HEPHL1: variants seen among roughly 807,000 people sequenced by gnomAD.
HEPHL1 encodes hephaestin like 1.
A neutral mutation model predicts 122.0 loss-of-function variants in HEPHL1; 123 were observed. That is an observed-to-expected ratio of 1.01 (90% CI 0.87 to 1.17). The LOEUF (loss-of-function observed/expected upper bound fraction) is 1.17. Ranked by LOEUF, HEPHL1 falls within the 50% of genes most tolerant of loss-of-function variation. The pLI, the probability that HEPHL1 is intolerant of heterozygous loss-of-function variation, is 0.00. For synonymous variants in HEPHL1, 527 were observed against 508.9 expected, an observed-to-expected ratio of 1.04 and a Z score of -0.48; for missense variants, 1,452 against 1,430.5, an observed-to-expected ratio of 1.01 and a Z score of -0.24.
At chr11:94,093,739 G>C in intron 13 of HEPHL1, 99 bp downstream of exon 13, 2 of 1,352,832 alleles carry the variant, frequency 1.5e-6, no homozygotes, top group Non-Finnish European at 2.0e-6. Context: ...AAGGATAGAA[G>C]AAACAGAGTA....
At chr11:94,092,222 A>T (rs546921379) in intron 12 of HEPHL1, among the ~76,000 whole-genome samples, 1 of 152,232 alleles carries the variant, frequency 6.6e-6, no homozygotes, top group African/African-American at 2.4e-5. Flanking sequence ...AAAAGATTTT[A>T]AAAATCTGTC....
At chr11:94,082,962 G>T (rs1158287431) in intron 10 of HEPHL1, among the ~76,000 whole-genome samples, 1 of 152,050 alleles carries the variant, frequency 6.6e-6, no homozygotes, top group Admixed American at 6.6e-5. Flanking sequence ...GGTGGTGCGT[G>T]CCTATATTCC....
At chr11:94,083,389 C>G (rs1946189046) in intron 10 of HEPHL1, among the ~76,000 whole-genome samples, 1 of 152,152 alleles carries the variant, frequency 6.6e-6, no homozygotes, top group African/African-American at 2.4e-5. Flanking sequence ...GTTACAATAG[C>G]AAACCACCTG....
chr11:94,104,828 A>C, intron 16 of HEPHL1, 78 bp downstream of exon 16: 4 of 1,092,296 alleles, frequency 3.7e-6, no homozygotes, highest in Non-Finnish European at 5.4e-6. Context: ...GGCTCCCAGC[A>C]TCCTTCTCTG....
At chr11:94,057,714 T>C (rs1945949974) in intron 2 of HEPHL1, among the ~76,000 whole-genome samples, 2 of 152,150 alleles carry the variant, frequency 1.3e-5, no homozygotes, top group African/African-American at 2.4e-5. Flanking sequence ...TGTTTGAACA[T>C]ATTTATTATA....
At chr11:94,060,251 T>G (rs1945976148) in intron 2 of HEPHL1, among the ~76,000 whole-genome samples, 1 of 150,898 alleles carries the variant, frequency 6.6e-6, no homozygotes, top group African/African-American at 2.4e-5. Flanking sequence ...GAGACATTAG[T>G]GAAGCAATCA....
chr11:94,088,631 C>A, intron 11 of HEPHL1, 124 bp from the exon 12 acceptor site: 1 of 708,606 alleles, frequency 1.4e-6, no homozygotes, highest in South Asian at 1.9e-5. Context: ...TACTAGACAA[C>A]TGGTATTTTA....
chr11:94,075,283 T>A lies in HEPHL1; in HGVS notation c.1614T>A (p.Tyr538Ter). The change falls in exon 9 of 20, where the codon TAT (tyrosine) becomes TAA (stop). Residue 538 changes from tyrosine to a stop codon, truncating the protein, a stop_gained. Transcript: ENST00000315765. LOFTEE classifies it high-confidence loss of function. ...PTAGDPPCLT[Y>*]LYFSAVDPIK... ...CTGGTGATCCTCCCTGTCTGACCTATCTTTACTTCTCAGCAGTTGATCCAA... is the reference window on the plus strand; with the variant it reads ...CTGGTGATCCTCCCTGTCTGACCTAACTTTACTTCTCAGCAGTTGATCCAA... The A allele has an allele frequency of 6.2e-7, 1 of 1,613,550 alleles. No homozygotes were observed. The highest frequency in any genetic ancestry group is 1.7e-5 in the Admixed American group (1 of 59,906).
chr11:94,047,400 C>G (rs1010075737), intron 2 of HEPHL1, among the ~76,000 whole-genome samples: 1 of 151,782 alleles, frequency 6.6e-6, no homozygotes, highest in African/African-American at 2.4e-5. Context: ...TGTTGTTCCC[C>G]TCTATGTTTC....
At chr11:94,092,059 G>A (rs1444399115) in intron 12 of HEPHL1, among the ~76,000 whole-genome samples, 1 of 152,140 alleles carries the variant, frequency 6.6e-6, no homozygotes, top group Non-Finnish European at 1.5e-5. Flanking sequence ...TGCCTGCAGT[G>A]TGTGAATAGA....
chr11:94,048,269 T>TAC (rs1300320420), intron 2 of HEPHL1, among the ~76,000 whole-genome samples: 1 of 152,168 alleles, frequency 6.6e-6, no homozygotes, highest in Non-Finnish European at 1.5e-5. Flanking sequence ...ATCTTGGCTA[T>TAC]TGTGAATAAT....
intron 1 of HEPHL1, among the ~76,000 whole-genome samples, chr11:94,028,181 T>C (rs1185058014): frequency 6.6e-6 from 1 of 152,184 alleles, no homozygotes; most frequent in African/African-American, 2.4e-5. Flanking sequence ...TGTAAAACTG[T>C]GTTTACTGTC....
chr11:94,068,024 C>T (rs2134430425), intron 5 of HEPHL1, among the ~76,000 whole-genome samples: 1 of 152,298 alleles, frequency 6.6e-6, no homozygotes, highest in South Asian at 2.1e-4. Flanking sequence ...CATAGTTAGA[C>T]ATTCACAAAA....
intron 2 of HEPHL1, among the ~76,000 whole-genome samples, chr11:94,058,546 G>A (rs1945959412): frequency 6.6e-6 from 1 of 152,104 alleles, no homozygotes; most frequent in Non-Finnish European, 1.5e-5. Flanking sequence ...AGTGGGTTGA[G>A]CGGGTGGGGC....
intron 13 of HEPHL1, among the ~76,000 whole-genome samples, chr11:94,096,875 C>T (rs1166537854): frequency 1.3e-5 from 2 of 152,150 alleles, no homozygotes; most frequent in Admixed American, 1.3e-4. Flanking sequence ...TCCCCTTTAT[C>T]ATTTTTTATT....
intron 2 of HEPHL1, among the ~76,000 whole-genome samples, chr11:94,049,765 T>A (rs1945874496): frequency 6.6e-6 from 1 of 152,096 alleles, no homozygotes; most frequent in African/African-American, 2.4e-5. Context: ...TGAAATGGAG[T>A]CACATAAATC....
intron 1 of HEPHL1, among the ~76,000 whole-genome samples, chr11:94,043,992 A>G (rs1200649141): frequency 1.3e-5 from 2 of 151,934 alleles, no homozygotes; most frequent in African/African-American, 4.8e-5. Flanking sequence ...GTCTCAGAGT[A>G]AGATGTGGCC....
intron 18 of HEPHL1, 113 bp from the exon 19 acceptor site, chr11:94,111,424 G>T: frequency 1.2e-6 from 1 of 832,736 alleles, no homozygotes; most frequent in Admixed American, 2.1e-5. Context: ...ATCCAGAAAT[G>T]ATTGGCAGAT....
At chr11:94,028,961 C>T (rs925598160) in intron 1 of HEPHL1, among the ~76,000 whole-genome samples, 7 of 145,570 alleles carry the variant, frequency 4.8e-5, no homozygotes, top group African/African-American at 1.5e-4. Flanking sequence ...TTATTTCTAT[C>T]CCTTCCCACT....
Sources: allele counts gnomAD v4.1 joint callset (sites outside exome capture counted in the v4.1 genomes callset), GRCh38; gene constraint gnomAD v4.1.1; transcripts MANE v1.5; gene names NCBI Gene and HGNC (gene_info 2026-07-23, HGNC 2026-07-21).